ARMH3: variants seen among roughly 807,000 people sequenced by gnomAD.
ARMH3 encodes the protein armadillo-like helical domain-containing protein 3.
ARMH3 carries 60 observed loss-of-function variants against 99.1 expected under a neutral mutation model. The observed-to-expected ratio is 0.61, with a 90% CI of 0.49 to 0.75. The LOEUF (loss-of-function observed/expected upper bound fraction) is 0.75, where lower values mean the gene tolerates loss of function less well. Among genes scored for constraint, ARMH3 ranks in the 30% least tolerant of loss-of-function variants. ARMH3 has a pLI of 0.00. For synonymous variants in ARMH3, 285 were observed against 292.8 expected, an observed-to-expected ratio of 0.97 and a Z score of 0.27; for missense variants, 679 against 843.1, an observed-to-expected ratio of 0.81 and a Z score of 2.41.
chr10:101,992,205 G>A (rs955788156), intron 17 of ARMH3, among the ~76,000 whole-genome samples, 167 bp from the exon 18 acceptor site: 9 of 152,122 alleles, frequency 5.9e-5, no homozygotes, highest in African/African-American at 1.2e-4. Context: ...GGGATGAGGC[G>A]GGGAAGGGAG....
intron 6 of ARMH3, 36 bp from the exon 7 acceptor site, chr10:102,023,785 G>A (rs1243679701): frequency 6.4e-6 from 10 of 1,568,336 alleles, no homozygotes; most frequent in Non-Finnish European, 8.8e-6. Context: ...AGTCTGTTCT[G>A]AGGTATTCTG....
intron 22 of ARMH3, among the ~76,000 whole-genome samples, chr10:101,949,013 T>G (rs961592207): frequency 7.9e-5 from 12 of 151,896 alleles, no homozygotes; most frequent in African/African-American, 2.9e-4. Context: ...AAGAAGAAAT[T>G]CAAGGGAAAT....
chr10:101,956,801 C>T (rs1845061872), intron 21 of ARMH3, 78 bp from the exon 22 acceptor site: 1 of 1,422,528 alleles, frequency 7.0e-7, no homozygotes, highest in Non-Finnish European at 9.4e-7. Context: ...CTGTAGCCAG[C>T]TCTTACTGTC....
intron 8 of ARMH3, among the ~76,000 whole-genome samples, chr10:102,014,487 C>T (rs554626598): frequency 3.5e-4 from 53 of 152,330 alleles, no homozygotes; most frequent in African/African-American, 1.2e-3. Flanking sequence ...ATCCCAAAGG[C>T]TCCCTAACCA....
intron 24 of ARMH3, among the ~76,000 whole-genome samples, chr10:101,879,648 G>A (rs527416482): frequency 2.0e-5 from 3 of 152,154 alleles, no homozygotes; most frequent in South Asian, 2.1e-4. Flanking sequence ...CACCATGCCC[G>A]ACCTATGACA....
intron 24 of ARMH3, among the ~76,000 whole-genome samples, chr10:101,850,837 A>G (rs2066583515): frequency 6.6e-6 from 1 of 152,184 alleles, no homozygotes; most frequent in Non-Finnish European, 1.5e-5. Flanking sequence ...CAGAACAGTG[A>G]GCATCTCAGC....
chr10:101,948,967 A>C (rs1844671700), intron 22 of ARMH3, among the ~76,000 whole-genome samples: 1 of 152,208 alleles, frequency 6.6e-6, no homozygotes, highest in Admixed American at 6.5e-5. Flanking sequence ...GTATTTGAAA[A>C]TTAAGCAACA....
intron 23 of ARMH3, among the ~76,000 whole-genome samples, chr10:101,926,343 A>T (rs1339828116): frequency 6.6e-6 from 1 of 152,160 alleles, no homozygotes; most frequent in Non-Finnish European, 1.5e-5. Context: ...ATGTGCTACC[A>T]TGCCCAGCTA....
intron 23 of ARMH3, among the ~76,000 whole-genome samples, chr10:101,925,725 A>G (rs1032979979): frequency 3.9e-5 from 6 of 152,176 alleles, no homozygotes; most frequent in Admixed American, 2.6e-4. Flanking sequence ...CCTGGCCAAC[A>G]TGGTGAAATC....
chr10:101,966,496 G>C (rs778351978), intron 20 of ARMH3, among the ~76,000 whole-genome samples: 1 of 151,720 alleles, frequency 6.6e-6, no homozygotes, highest in Non-Finnish European at 1.5e-5. Flanking sequence ...TCGAACTCCT[G>C]ACTTCAGGTG....
chr10:101,944,263 TATATATATATAGAG>T (rs1844385823), intron 22 of ARMH3, among the ~76,000 whole-genome samples: 3 of 64,178 alleles, frequency 4.7e-5, no homozygotes, highest in Admixed American at 2.0e-4. Flanking sequence ...TATATATATA[TATATATATATAGAG>T]AGAGAGAGAG....
At chr10:101,946,043 G>T (rs1844504955) in intron 22 of ARMH3, among the ~76,000 whole-genome samples, 1 of 107,152 alleles carries the variant, frequency 9.3e-6, no homozygotes, top group African/African-American at 4.1e-5. Context: ...CTGCACTCCA[G>T]CCTGGGCGAC....
rs866740607 is a variant in ARMH3 at position 102,036,929 on chromosome 10, A to G, written c.102+3084T>C. ...TAGCCAGGCATGGTGGCATGCGCCTATAATCCCAGCTACTTGGGAGGCTGA... is the reference window on the plus strand; with the variant it reads ...TAGCCAGGCATGGTGGCATGCGCCTGTAATCCCAGCTACTTGGGAGGCTGA... On this transcript the variant is annotated intron_variant, in intron 2 of 25. Coordinates refer to ENST00000370033, the MANE Select transcript of ARMH3 (RefSeq NM_024541.3). 2.4e-4 allele frequency among the ~76,000 whole-genome samples: 37 copies of G among 151,204 alleles called. 1 individual carries two copies. The Middle Eastern group carries it at 0.014, about 58-fold the overall frequency.
At chr10:101,975,049 TAAAAAAAAAAA>T (rs11399489) in intron 20 of ARMH3, among the ~76,000 whole-genome samples, 152 bp downstream of exon 20, 1 of 29,668 alleles carries the variant, frequency 3.4e-5, no homozygotes, top group East Asian at 1.5e-3. Flanking sequence ...AGCTAAAACG[TAAAAAAAAAAA>T]AAAAAAAAAA....
intron 24 of ARMH3, among the ~76,000 whole-genome samples, chr10:101,887,929 A>G (rs2067592266): frequency 6.6e-6 from 1 of 151,880 alleles, no homozygotes; most frequent in Admixed American, 6.6e-5. Context: ...CCTTTCACAG[A>G]TTGCCTTGTG....
intron 24 of ARMH3, among the ~76,000 whole-genome samples, chr10:101,867,295 G>A (rs1482603966): frequency 2.0e-5 from 3 of 152,188 alleles, no homozygotes; most frequent in Non-Finnish European, 4.4e-5. Flanking sequence ...GCCTTTTAAA[G>A]TTCTTTTGAT....
chr10:101,920,549 C>T (rs1204389010), intron 23 of ARMH3, among the ~76,000 whole-genome samples: 1 of 152,090 alleles, frequency 6.6e-6, no homozygotes, highest in Non-Finnish European at 1.5e-5. Context: ...CAGAAAGAGG[C>T]AGGCAAGATG....
intron 19 of ARMH3, among the ~76,000 whole-genome samples, chr10:101,985,074 TATATACAC>T (rs944480499): frequency 4.6e-5 from 3 of 65,832 alleles, no homozygotes; most frequent in African/African-American, 1.5e-4. Flanking sequence ...TCTAAAAATA[TATATACAC>T]ACACACACAC....
At chr10:101,877,044 C>T (rs759407425) in intron 24 of ARMH3, among the ~76,000 whole-genome samples, 3 of 151,856 alleles carry the variant, frequency 2.0e-5, no homozygotes, top group African/African-American at 7.3e-5. Context: ...CTGGTCTCCA[C>T]AAAAAATTTT....
Sources: gnomAD v4.1 joint callset for allele counts (sites outside exome capture counted in the v4.1 genomes callset) on GRCh38, gnomAD v4.1.1 for gene constraint, MANE v1.5 for transcripts, NCBI Gene and HGNC (gene_info 2026-07-23, HGNC 2026-07-21) for gene names.